DOT1L: variants seen among roughly 807,000 people sequenced by gnomAD.
DOT1L encodes the protein DOT1 like histone lysine methyltransferase, also known as histone-lysine N-methyltransferase, H3 lysine-79 specific.
Under a neutral mutation model 153.3 loss-of-function variants are expected in DOT1L, and 33 were observed. The observed-to-expected ratio is 0.22, with a 90% CI of 0.16 to 0.29. DOT1L has a LOEUF of 0.29. Ranked by LOEUF, DOT1L falls within the 10% of genes least tolerant of loss-of-function variation. The probability of loss-of-function intolerance (pLI) is 1.00; values close to 1 mark genes in which losing one functional copy is unlikely to be tolerated. For synonymous variants in DOT1L, 1,135 were observed against 965.1 expected (o/e 1.18, Z -3.26); for missense variants, 1,847 against 2,119.9 (o/e 0.87, Z 2.53).
chr19:2,204,137 G>A lies in DOT1L; in HGVS notation c.787+1358G>A. Among the ~76,000 whole-genome samples, 1 of 151,970 alleles carries A rather than the reference G, an allele frequency of 6.6e-6. No homozygotes were observed. Among genetic ancestry groups the A allele is most frequent in the African/African-American group, 2.4e-5 (1 of 41,440 alleles). ...TGTCTGTGTCTCTGTGCATGCCTGT[G>A]TCTCTGTGTGTGCCCGTGTGCCTGT... On this transcript the variant is annotated intron_variant, in intron 9 of 27. Transcript: ENST00000398665. The surrounding 1 kb of genome is among the most constrained non-coding windows in gnomAD (Gnocchi z 5.7).
chr19:2,207,482 T>G lies in DOT1L; in HGVS notation c.857-92T>G, dbSNP rs540628081. 2.1e-4 allele frequency: 229 copies of G among 1,094,668 alleles called. No homozygotes were observed. Among genetic ancestry groups the G allele is most frequent in the Middle Eastern group, 1.9e-3 (8 of 4,198 alleles). The allele number at this position is 1,094,668 out of a possible 1,614,324, so 67.8% of individuals were successfully genotyped here. ...AAGAGGGAAGACGCGCAGCTCAGGC[T>G]TCTGTCCCCACGCCTGCCCTGGGGT... On this transcript the variant is annotated intron_variant, in intron 10 of 27. Transcript: ENST00000398665. This position sits in a 1 kb window ranked among gnomAD's most constrained non-coding sequence, Gnocchi z 4.5.
Position 2,230,132 on chromosome 19 carries a change from G to C in DOT1L, c.*340G>C. On this transcript the variant is annotated 3_prime_UTR_variant, in exon 28 of 28. Coordinates refer to ENST00000398665, the MANE Select transcript of DOT1L (RefSeq NM_032482.3). The stretch of plus-strand genomic sequence containing the variant: ...AGACACGTGTCTGCAGGGCGGGCCC[G>C]CCAGCGGATTCGCCACAGCCTGCCC... The C allele has an allele frequency of 3.9e-6, 2 of 511,606 alleles. No homozygotes were observed. Among genetic ancestry groups the C allele is most frequent in the Non-Finnish European group, 6.8e-6 (2 of 293,418 alleles). The allele number at this position is 511,606 out of a possible 1,614,324, so 31.7% of individuals were successfully genotyped here.
chr19:2,166,753 C>T (rs1049008568), intron 1 of DOT1L, among the ~76,000 whole-genome samples: 1 of 152,164 alleles, frequency 6.6e-6, no homozygotes, highest in Non-Finnish European at 1.5e-5. Flanking sequence ...TCACCTAGGG[C>T]GTAGTTCGCT....
chr19:2,227,097 T>C lies in DOT1L; in HGVS notation c.4576T>C (p.Phe1526Leu). The change falls in exon 27 of 28, where the codon TTT becomes CTT. Residue 1526 changes from phenylalanine to leucine, a missense_variant. Around this residue, in one of 8 missense-constraint regions of DOT1L, gnomAD observed 934 missense variants for 825.3 expected, o/e 1.13. Transcript: ENST00000398665. ...GACCAACTCGCACGCCATGGGCAGC[T>C]TTTCCGGGGTGGCAGGCGGCACAGT... ...RLTNSHAMGS[F>L]SGVAGGTVGG... The C allele has an allele frequency of 5.1e-6, 8 of 1,557,310 alleles. No individual in the cohort carries two copies. Among genetic ancestry groups the C allele is most frequent in the Non-Finnish European group, 6.9e-6 (8 of 1,157,878 alleles).
chr19:2,195,572 C>T (rs2022980774), intron 7 of DOT1L, among the ~76,000 whole-genome samples: 1 of 152,258 alleles, frequency 6.6e-6, no homozygotes, highest in African/African-American at 2.4e-5. Context: ...TATTCTAGAC[C>T]TGGAGCCCCT....
chr19:2,216,760 T>C lies in DOT1L; in HGVS notation c.2403T>C (p.His801=), dbSNP rs763143737. The C allele has an allele frequency of 6.3e-7, 1 of 1,589,410 alleles. No individual in the cohort carries two copies. Among genetic ancestry groups the C allele is most frequent in the Non-Finnish European group, 8.5e-7 (1 of 1,172,050 alleles). ...VPGRPAASEL[H]SRAEHTKENG... ...GCAGGCCGGCTGCCAGTGAGCTGCA[T>C]TCGAGGTGAGTGCCCTGGTGGGGCT... The change falls in exon 20 of 28, where the codon CAT becomes CAC. Residue 801 remains histidine (H), a synonymous_variant. Coordinates refer to ENST00000398665, the MANE Select transcript of DOT1L (RefSeq NM_032482.3).
rs1331590481 is a variant in DOT1L at position 2,193,174 on chromosome 19, A to T, written c.494-515A>T. Among the ~76,000 whole-genome samples the T allele has an allele frequency of 6.6e-6, 1 of 152,178 alleles. No individual in the cohort carries two copies. Among genetic ancestry groups the T allele is most frequent in the Admixed American group, 6.5e-5 (1 of 15,270 alleles). ...TTGTGTGCTGATGCTGTGAAACCGC[A>T]GCGGCCGGGAGACTGTCCTGGCTGC... On this transcript the variant is annotated intron_variant, in intron 5 of 27. Coordinates refer to ENST00000398665, the MANE Select transcript of DOT1L (RefSeq NM_032482.3). This position sits in a 1 kb window ranked among gnomAD's most constrained non-coding sequence, Gnocchi z 5.9.
rs1228288960 is a variant in DOT1L, at chr19:2,217,055, G to A, written c.2509G>A (p.Ala837Thr). The A allele has an allele frequency of 6.2e-7, 1 of 1,610,634 alleles. No individual in the cohort carries two copies. ...PQDPRPLSPG[A>T]LQLAGEKSSE... Reference sequence around the variant, plus strand: ...GGACCCGCGGCCCCTGTCCCCTGGGGCCTTGCAGCTTGCTGGAGAGAAGAG... The same window carrying A: ...GGACCCGCGGCCCCTGTCCCCTGGGACCTTGCAGCTTGCTGGAGAGAAGAG... The change falls in exon 21 of 28, where the codon GCC becomes ACC. Residue 837 changes from alanine (A) to threonine (T), a missense_variant. Physicochemically the swap from Ala to Thr is moderately conservative, Grantham distance 58. This residue lies in a region of DOT1L where 281 missense variants were observed against 263.6 expected (regional missense o/e 1.07). Coordinates refer to ENST00000398665, the MANE Select transcript of DOT1L (RefSeq NM_032482.3). This position sits in a 1 kb window ranked among gnomAD's most constrained non-coding sequence, Gnocchi z 7.3.
Position 2,169,134 on chromosome 19 carries a change from C to CA in DOT1L, c.81+4870dup, listed in dbSNP as rs143857041. Among the ~76,000 whole-genome samples the CA allele has an allele frequency of 3.3e-4, 50 of 152,200 alleles. No individual in the cohort carries two copies. The East Asian group carries it at 9.7e-3, about 30-fold the overall frequency. On this transcript the variant is annotated intron_variant, in intron 1 of 27. Transcript: ENST00000398665. ...ATGAGTGAGTACATGTTCCGCCTGA[C>CA]AGCCTGGCCTGGAGCCCGGCTGTGG...
chr19:2,227,321 T>C, intron 27 of DOT1L, 194 bp downstream of exon 27: 1 of 780,042 alleles, frequency 1.3e-6, no homozygotes, highest in Non-Finnish European at 2.3e-6. Context: ...AGTCCGTGTG[T>C]CTTGGGTTCT....
chr19:2,177,823 G>A (rs916872772), intron 1 of DOT1L, among the ~76,000 whole-genome samples: 2 of 151,662 alleles, frequency 1.3e-5, no homozygotes, highest in Non-Finnish European at 2.9e-5. Flanking sequence ...GTGCAGTGGT[G>A]CGACCTTGGC....
At chr19:2,169,459 A>G (rs998112497) in intron 1 of DOT1L, among the ~76,000 whole-genome samples, 15 of 151,938 alleles carry the variant, frequency 9.9e-5, no homozygotes, top group African/African-American at 2.9e-4. Flanking sequence ...TTGTCCAGAA[A>G]CTCTGCAGAT....
intron 1 of DOT1L, among the ~76,000 whole-genome samples, chr19:2,172,923 G>A (rs1174564864): frequency 6.6e-6 from 1 of 151,522 alleles, no homozygotes; most frequent in Admixed American, 6.6e-5. Context: ...CTTGCAGTGA[G>A]CTGAGATCGT....
intron 27 of DOT1L, chr19:2,227,803 C>T: frequency 7.7e-7 from 1 of 1,306,668 alleles, no homozygotes; most frequent in Non-Finnish European, 1.0e-6. Flanking sequence ...GGCCGCGGGG[C>T]TGCATGTGGC....
intron 9 of DOT1L, among the ~76,000 whole-genome samples, chr19:2,206,387 C>G (rs1227391039): frequency 6.6e-6 from 1 of 151,916 alleles, no homozygotes; most frequent in Non-Finnish European, 1.5e-5. Context: ...GTGAAACCCG[C>G]TCTCTACTAA....
chr19:2,218,046 G>A, intron 22 of DOT1L, 128 bp downstream of exon 22: 1 of 1,371,770 alleles, frequency 7.3e-7, no homozygotes, highest in South Asian at 1.4e-5. Flanking sequence ...ATGCAGTCAA[G>A]GTGGGCTGTC....
At position 2,222,966 on chromosome 19, in the gene DOT1L, C is replaced by A; in HGVS notation, c.3391-315C>A. 4.6e-6 allele frequency: 2 copies of A among 435,054 alleles called. No homozygotes were observed. Among genetic ancestry groups the A allele is most frequent in the East Asian group, 4.0e-5 (1 of 24,954 alleles). 26.9% of individuals were successfully genotyped at this position (435,054 alleles called of 1,614,324 possible). On this transcript the variant is annotated intron_variant, in intron 24 of 27. Transcript: ENST00000398665. The surrounding 1 kb of genome is among the most constrained non-coding windows in gnomAD (Gnocchi z 6.5). ...CCTCCACCACGTGCGGCCTGGCAGC[C>A]TGGGAAGAGGCGGCCGACAGCTGTC...
At position 2,220,297 on chromosome 19, in the gene DOT1L, T is replaced by TG. The variant is rs762435350; in HGVS notation, c.2806+78dup. On this transcript the variant is annotated intron_variant, in intron 23 of 27. Transcript: ENST00000398665. The surrounding 1 kb of genome is among the most constrained non-coding windows in gnomAD (Gnocchi z 4.5). ...TCTTCAGGCAGGAGGGCTGGGTTGC[T>TG]GGGAGTGGAACAGGGCTTCCTGGGG... 6.9e-7 allele frequency: 1 copy of TG among 1,455,230 alleles called. No individual in the cohort carries two copies. The highest frequency in any genetic ancestry group is 9.4e-7 in the Non-Finnish European group (1 of 1,063,582). The allele number at this position is 1,455,230 out of a possible 1,614,324, so 90.1% of individuals were successfully genotyped here. A position where few individuals can be genotyped will look rare whatever the true frequency, so the allele number is the denominator to read the frequency against.
In DOT1L at chr19:2,197,069, C is replaced by T. The variant is rs76144544; in HGVS notation, c.651+2492C>T. Among the ~76,000 whole-genome samples, 4,342 of 152,224 alleles carry T rather than the reference C, an allele frequency of 0.029. 99 individuals are homozygous for T. Among genetic ancestry groups the T allele is most frequent in the South Asian group, 0.048 (231 of 4,812 alleles). On this transcript the variant is annotated intron_variant, in intron 7 of 27. Coordinates refer to ENST00000398665, the MANE Select transcript of DOT1L (RefSeq NM_032482.3). This position sits in a 1 kb window ranked among gnomAD's most constrained non-coding sequence, Gnocchi z 4.1. Reference sequence around the variant, plus strand: ...GGTGGGATTCTGCTGGCTGATGGGCCGCTGAGGGGTTTTCTGCCGTGGTGG... The same window carrying T: ...GGTGGGATTCTGCTGGCTGATGGGCTGCTGAGGGGTTTTCTGCCGTGGTGG...
Sources: allele counts gnomAD v4.1 joint callset (sites outside exome capture counted in the v4.1 genomes callset), GRCh38; gene constraint gnomAD v4.1.1; regional missense constraint gnomAD v4.1.1; non-coding constraint Gnocchi (gnomAD v3.1); transcripts MANE v1.5; gene names NCBI Gene and HGNC (gene_info 2026-07-23, HGNC 2026-07-21).